The following KIF3C variants were observed in gnomAD, a reference collection of about 807,000 sequenced individuals.
KIF3C encodes the protein kinesin-like protein KIF3C.
KIF3C carries 12 observed loss-of-function variants against 67.7 expected under a neutral mutation model. That is an observed-to-expected ratio of 0.18 (90% CI 0.11 to 0.29). The LOEUF is 0.29. Ranked by LOEUF, KIF3C falls within the 10% of genes least tolerant of loss-of-function variation. The pLI, the probability that KIF3C is intolerant of heterozygous loss-of-function variation, is 1.00. For missense variants in KIF3C, 789 were observed against 1,059.6 expected, an observed-to-expected ratio of 0.74 and a Z score of 3.55; for synonymous variants, 393 against 426.2, an observed-to-expected ratio of 0.92 and a Z score of 0.96.
intron 5 of KIF3C, among the ~76,000 whole-genome samples, chr2:25,938,922 T>A (rs1663212141): frequency 6.6e-6 from 1 of 152,068 alleles, no homozygotes; most frequent in African/African-American, 2.4e-5. Context: ...CTCAGCTCCA[T>A]CTCAGGGGTT....
intron 5 of KIF3C, among the ~76,000 whole-genome samples, chr2:25,936,503 T>C (rs1212754675): frequency 1.3e-5 from 2 of 152,244 alleles, no homozygotes; most frequent in Non-Finnish European, 2.9e-5. Context: ...TGAATATGTA[T>C]AACTTTATAC....
At chr2:25,945,787 A>G (rs773513723) in intron 5 of KIF3C, among the ~76,000 whole-genome samples, 30 of 144,750 alleles carry the variant, frequency 2.1e-4, no homozygotes, top group Non-Finnish European at 3.1e-4. Context: ...AAAATAATAC[A>G]ACTTAACACT....
chr2:25,942,440 C>T (rs1047451338), intron 5 of KIF3C, among the ~76,000 whole-genome samples: 1 of 150,250 alleles, frequency 6.7e-6, no homozygotes, highest in African/African-American at 2.4e-5. Context: ...GATGGAGTTT[C>T]ACTCTTGTTG....
chr2:25,936,631 T>G (rs1663140035), intron 5 of KIF3C, among the ~76,000 whole-genome samples: 1 of 152,216 alleles, frequency 6.6e-6, no homozygotes, highest in Non-Finnish European at 1.5e-5. Context: ...ATTTAACATT[T>G]TCCCTGGGGT....
chr2:25,964,384 A>C (rs1192855598), intron 1 of KIF3C, among the ~76,000 whole-genome samples: 1 of 150,426 alleles, frequency 6.6e-6, no homozygotes, highest in African/African-American at 2.5e-5. Context: ...TATATTCTCC[A>C]TACCTTTAAG....
chr2:25,938,603 C>T (rs1663201285), intron 5 of KIF3C, among the ~76,000 whole-genome samples: 1 of 152,132 alleles, frequency 6.6e-6, no homozygotes, highest in African/African-American at 2.4e-5. Context: ...CAGGGCTATT[C>T]TGGGTGGCAT....
At chr2:25,933,122 G>A (rs915373629) in intron 5 of KIF3C, among the ~76,000 whole-genome samples, 2 of 151,298 alleles carry the variant, frequency 1.3e-5, no homozygotes, top group African/African-American at 4.9e-5. Context: ...GTGGCAGCAT[G>A]TATCTGTAAT....
At position 25,962,863 on chromosome 2, in the gene KIF3C, A is replaced by T. The variant is rs1409354569; in HGVS notation, c.1546-6419T>A. On this transcript the variant is annotated intron_variant, in intron 1 of 7. Coordinates refer to ENST00000264712, the MANE Select transcript of KIF3C (RefSeq NM_002254.8). ...TATATAATATATAATATAATATATA[A>T]TATATATAATATATAAAATATATAT... is the stretch of plus-strand genomic sequence containing the variant. Among the ~76,000 whole-genome samples the T allele has an allele frequency of 1.9e-3, 143 of 77,194 alleles. 9 individuals carry two copies. The highest frequency in any genetic ancestry group is 2.9e-3 in the Non-Finnish European group (127 of 43,606). The allele number at this position is 77,194 out of a possible 152,430, so 50.6% of individuals were successfully genotyped here.
At chr2:25,964,729 G>T (rs1321777916) in intron 1 of KIF3C, among the ~76,000 whole-genome samples, 1 of 152,130 alleles carries the variant, frequency 6.6e-6, no homozygotes, top group East Asian at 1.9e-4. Context: ...TCCACACCTA[G>T]GCCCAAGTCC....
chr2:25,929,672 G>C (rs888716840), intron 6 of KIF3C, among the ~76,000 whole-genome samples, 195 bp from the exon 7 acceptor site: 1 of 151,618 alleles, frequency 6.6e-6, no homozygotes, highest in South Asian at 2.1e-4. Flanking sequence ...CTGGAGTGCA[G>C]TGGTGCAATC....
At chr2:25,970,312 A>C (rs767668733) in intron 1 of KIF3C, among the ~76,000 whole-genome samples, 1 of 152,164 alleles carries the variant, frequency 6.6e-6, no homozygotes, top group Non-Finnish European at 1.5e-5. Flanking sequence ...TATCCTCACT[A>C]GTCAGATGAA....
chr2:25,964,045 TAC>T (rs1423815631), intron 1 of KIF3C, among the ~76,000 whole-genome samples: 6 of 152,128 alleles, frequency 3.9e-5, no homozygotes, highest in Non-Finnish European at 7.4e-5. Context: ...CAGTGGCTCA[TAC>T]CTGTAATCCC....
In KIF3C at chr2:25,956,349, G is replaced by C. The variant is rs542037236; in HGVS notation, c.1641C>G (p.Ala547=). Residue 547 remains alanine, a synonymous_variant, in exon 2 of 8, where the codon GCC becomes GCG. Coordinates refer to ENST00000264712, the MANE Select transcript of KIF3C (RefSeq NM_002254.8). ...KMLELKRQEI[A]EQKRREREMQ... ...TGGCACCTGGAGGCCCTACCTGCTC[G>C]GCAATCTCCTGCCTCTTCAGTTCCA... The C allele has an allele frequency of 9.6e-5, 155 of 1,613,704 alleles. 1 individual carries two copies. In the South Asian group the frequency reaches 1.4e-3, roughly 14 times the overall value.
At chr2:25,957,630 G>A (rs1426412527) in intron 1 of KIF3C, among the ~76,000 whole-genome samples, 1 of 152,116 alleles carries the variant, frequency 6.6e-6, no homozygotes, top group Non-Finnish European at 1.5e-5. Context: ...CCTACCTGAG[G>A]GATCTCAAAG....
chr2:25,928,840 C>A lies in KIF3C; in HGVS notation c.*138G>T. The A allele has an allele frequency of 1.5e-6, 1 of 652,102 alleles. No homozygotes were observed. The highest frequency in any genetic ancestry group is 2.7e-6 in the Non-Finnish European group (1 of 377,054). 40.4% of individuals were successfully genotyped at this position (652,102 alleles called of 1,614,324 possible). A position where few individuals can be genotyped will look rare whatever the true frequency, so the allele number is the denominator to read the frequency against. ...GAAGAAGAGCAGGCAGAGGCACCAT[C>A]TGCCAGATTCTCACCCCTGCACACA... On this transcript the variant is annotated 3_prime_UTR_variant, in exon 8 of 8. Transcript: ENST00000264712.
chr2:25,931,810 G>A (rs1157874484), intron 5 of KIF3C, among the ~76,000 whole-genome samples: 3 of 151,716 alleles, frequency 2.0e-5, no homozygotes, highest in Non-Finnish European at 4.4e-5. Context: ...GCTAATTTTT[G>A]TATTTTCAGT....
Position 25,956,335 on chromosome 2 carries a change from G to A in KIF3C, c.1647+8C>T, listed in dbSNP as rs767618921. 6.2e-7 allele frequency: 1 copy of A among 1,610,914 alleles called. No individual in the cohort carries two copies. Among genetic ancestry groups the A allele is most frequent in the Middle Eastern group, 1.7e-4 (1 of 6,046 alleles). ...TCTCCAAGGGGACCTGGCACCTGGA[G>A]GCCCTACCTGCTCGGCAATCTCCTG... On this transcript the variant is annotated splice_region_variant and intron_variant, in intron 2 of 7. Transcript: ENST00000264712.
intron 5 of KIF3C, among the ~76,000 whole-genome samples, chr2:25,940,423 T>G (rs994987149): frequency 6.6e-6 from 1 of 151,532 alleles, no homozygotes; most frequent in Non-Finnish European, 1.5e-5. Context: ...ATACAAAAAT[T>G]AGCCAGGTGT....
intron 1 of KIF3C, among the ~76,000 whole-genome samples, chr2:25,976,557 C>T (rs1021052055): frequency 1.8e-4 from 27 of 152,036 alleles, no homozygotes; most frequent in African/African-American, 5.8e-4. Flanking sequence ...GTCAGGAGAT[C>T]GAGACCAGCC....
Sources: gnomAD v4.1 joint callset for allele counts (sites outside exome capture counted in the v4.1 genomes callset) on GRCh38, gnomAD v4.1.1 for gene constraint, MANE v1.5 for transcripts, NCBI Gene and HGNC (gene_info 2026-07-23, HGNC 2026-07-21) for gene names.